The following RPA3 variants were observed in gnomAD, a reference collection of about 807,000 sequenced individuals.
RPA3 encodes the protein replication protein A 14 kDa subunit.
In RPA3, 24 loss-of-function variants were observed where a neutral mutation model predicts 13.7. The ratio of observed to expected loss-of-function variants is 1.75; its 90% CI spans 1.27 to 2.46. The LOEUF (loss-of-function observed/expected upper bound fraction) is 2.46. Among genes scored for constraint, RPA3 ranks in the 30% most tolerant of loss-of-function variants. The pLI, the probability that RPA3 is intolerant of heterozygous loss-of-function variation, is 0.00. For synonymous variants in RPA3, 59 were observed against 51.2 expected, an observed-to-expected ratio of 1.15 and a Z score of -0.65; for missense variants, 183 against 151.0, an observed-to-expected ratio of 1.21 and a Z score of -1.11.
chr7:7,654,963 T>G (rs1160244486), intron 4 of RPA3, among the ~76,000 whole-genome samples: 1 of 152,132 alleles, frequency 6.6e-6, no homozygotes, highest in African/African-American at 2.4e-5. Flanking sequence ...TTTTTTTGAC[T>G]ATTTTTGCTT....
rs748160377 is a variant in RPA3 at position 7,640,526 on chromosome 7, G to T, written c.-108C>A. 1 of 996,570 alleles carries T rather than the reference G, an allele frequency of 1.0e-6. No homozygotes were observed. The highest frequency in any genetic ancestry group is 1.5e-6 in the Non-Finnish European group (1 of 645,598). The allele number at this position is 996,570 out of a possible 1,614,324, so 61.7% of individuals were successfully genotyped here. ...TCTCGGCACCAATCAGCGAAGACTAGCGCTCCAGCTTCGCCAATTAAATGC... is the reference window on the plus strand; with the variant it reads ...TCTCGGCACCAATCAGCGAAGACTATCGCTCCAGCTTCGCCAATTAAATGC... On this transcript the variant is annotated 5_prime_UTR_variant, in exon 5 of 8. Transcript: ENST00000223129.
chr7:7,676,140 G>A (rs1368292499), intron 4 of RPA3: 1 of 398,472 alleles, frequency 2.5e-6, no homozygotes, highest in Non-Finnish European at 4.4e-6. Context: ...GCTGTTAAAA[G>A]TGCTGACCCT....
intron 2 of RPA3, chr7:7,692,545 G>C (rs575587676): frequency 6.6e-6 from 1 of 152,156 alleles, no homozygotes; most frequent in Non-Finnish European, 1.5e-5. Flanking sequence ...AAGGTAGATC[G>C]ATTCCCTTTG....
intron 5 of RPA3, 54 bp downstream of exon 5, chr7:7,640,266 G>A (rs1784934407): frequency 7.1e-6 from 11 of 1,559,202 alleles, no homozygotes; most frequent in Non-Finnish European, 9.7e-6. Flanking sequence ...TATCCAGGCG[G>A]GGTCCCTCCC....
At chr7:7,703,878 G>T (rs971613019) in intron 2 of RPA3, among the ~76,000 whole-genome samples, 1 of 152,086 alleles carries the variant, frequency 6.6e-6, no homozygotes, top group Admixed American at 6.6e-5. Context: ...GGAGGTTGAG[G>T]TTGCAGTGAG....
intron 4 of RPA3, among the ~76,000 whole-genome samples, chr7:7,657,135 T>C (rs912676253): frequency 4.6e-5 from 7 of 152,248 alleles, no homozygotes; most frequent in Admixed American, 2.0e-4. Flanking sequence ...TGTCAGTTCA[T>C]ATCTTCTGCC....
chr7:7,653,456 A>C (rs1463260032), intron 4 of RPA3, among the ~76,000 whole-genome samples: 8 of 152,240 alleles, frequency 5.3e-5, no homozygotes, highest in Non-Finnish European at 1.2e-4. Flanking sequence ...GATGCTAGTT[A>C]GCATCCTTCT....
chr7:7,662,356 A>G (rs958705232), intron 4 of RPA3, among the ~76,000 whole-genome samples: 3 of 152,110 alleles, frequency 2.0e-5, no homozygotes, highest in South Asian at 2.1e-4. Context: ...CCAGTGGGGT[A>G]TGAAAAAAGA....
intron 2 of RPA3, among the ~76,000 whole-genome samples, chr7:7,693,306 T>TCTATCTATCTAG (rs1157769772): frequency 1.2e-4 from 18 of 151,866 alleles, no homozygotes; most frequent in Non-Finnish European, 2.4e-4. Context: ...TATCTATCTA[T>TCTATCTATCTAG]CTATCTATCT....
chr7:7,647,681 C>T (rs7795947), intron 4 of RPA3, among the ~76,000 whole-genome samples: 1 of 152,166 alleles, frequency 6.6e-6, no homozygotes, highest in Non-Finnish European at 1.5e-5. Flanking sequence ...GATTGTGGTG[C>T]AATGCAGCCT....
chr7:7,637,875 C>T lies in RPA3; in HGVS notation c.272G>A (p.Ser91Asn), dbSNP rs113032055. 43 of 1,611,814 alleles carry T rather than the reference C, an allele frequency of 2.7e-5. 1 individual carries two copies. In the African/African-American group the frequency reaches 3.3e-4, roughly 13 times the overall value. ...CTSYVQFKED[S>N]HPFDLGLYNE... ...AATGCTTTATTTACCAAAAGGATGG[C>T]TATCTTCTTTAAACTGGACATAAGA... The change falls in exon 7 of 8, where the codon AGC (serine) becomes AAC (asparagine). Residue 91 changes from serine (S) to asparagine (N), a missense_variant. Ser to Asn is a conservative substitution (Grantham distance 46). Transcript: ENST00000223129.
At chr7:7,645,081 G>A (rs79646924) in intron 4 of RPA3, among the ~76,000 whole-genome samples, 1,594 of 152,070 alleles carry the variant, frequency 0.01, 30 homozygotes, top group African/African-American at 0.036. Flanking sequence ...TTAAATTAAA[G>A]ATTTTAACTG....
chr7:7,676,993 TA>T (rs1197665437), intron 4 of RPA3, among the ~76,000 whole-genome samples: 52 of 152,298 alleles, frequency 3.4e-4, no homozygotes, highest in African/African-American at 1.2e-3. Flanking sequence ...GCATACTGTA[TA>T]AAATATTCTG....
chr7:7,662,067 C>T (rs560093399), intron 4 of RPA3, among the ~76,000 whole-genome samples: 2 of 152,310 alleles, frequency 1.3e-5, no homozygotes, highest in African/African-American at 4.8e-5. Context: ...CTGTGGAGGG[C>T]TGTGCCCAGT....
chr7:7,699,024 T>C (rs1383216376), intron 2 of RPA3, among the ~76,000 whole-genome samples: 1 of 142,250 alleles, frequency 7.0e-6, no homozygotes, highest in East Asian at 2.0e-4. Flanking sequence ...CCAGTTAATT[T>C]TTATATAGTT....
chr7:7,684,528 T>G (rs1294549539), intron 4 of RPA3, among the ~76,000 whole-genome samples: 1 of 152,126 alleles, frequency 6.6e-6, no homozygotes, highest in Non-Finnish European at 1.5e-5. Flanking sequence ...AATTTTTTTT[T>G]CTGAATAATT....
Position 7,701,921 on chromosome 7 carries a change from C to T in RPA3, c.-1028+13254G>A, listed in dbSNP as rs538131431. Among the ~76,000 whole-genome samples, 6 of 152,320 alleles carry T rather than the reference C, an allele frequency of 3.9e-5. No homozygotes were observed. The South Asian group carries it at 1.2e-3, about 32-fold the overall frequency. ...ACCATTTCTGCCATCTCTCTGCCAT[C>T]AGCTATACCTCCCTTTTCTGTTTCT... On this transcript the variant is annotated intron_variant, in intron 2 of 7. Transcript: ENST00000223129.
chr7:7,658,092 C>T (rs1465413190), intron 4 of RPA3, among the ~76,000 whole-genome samples: 1 of 152,186 alleles, frequency 6.6e-6, no homozygotes, highest in Non-Finnish European at 1.5e-5. Context: ...GGAGTTCACT[C>T]ATGCTTTGGC....
intron 4 of RPA3, among the ~76,000 whole-genome samples, chr7:7,658,331 G>A (rs1785393784): frequency 6.6e-6 from 1 of 152,226 alleles, no homozygotes; most frequent in Non-Finnish European, 1.5e-5. Flanking sequence ...GCCCTGGCCA[G>A]AACTTCTAAT....
Sources: allele counts gnomAD v4.1 joint callset (sites outside exome capture counted in the v4.1 genomes callset), GRCh38; gene constraint gnomAD v4.1.1; transcripts MANE v1.5; gene names NCBI Gene and HGNC (gene_info 2026-07-23, HGNC 2026-07-21).